MMP9: variants seen among roughly 807,000 people sequenced by gnomAD.
MMP9 encodes the protein matrix metalloproteinase-9.
MMP9 carries 73 observed loss-of-function variants against 76.4 expected under a neutral mutation model. That is an observed-to-expected ratio of 0.96 (90% CI 0.79 to 1.16). The LOEUF (loss-of-function observed/expected upper bound fraction) is 1.16, where lower values mean the gene tolerates loss of function less well. Ranked by LOEUF, MMP9 falls within the 50% of genes most tolerant of loss-of-function variation. MMP9 has a pLI of 0.00. For synonymous variants in MMP9, 412 were observed against 408.4 expected, an observed-to-expected ratio of 1.01 and a Z score of -0.11; for missense variants, 943 against 973.0, an observed-to-expected ratio of 0.97 and a Z score of 0.41.
At chr20:46,011,840 C>A in intron 6 of MMP9, 93 bp downstream of exon 6, 1 of 1,449,756 alleles carries the variant, frequency 6.9e-7, no homozygotes, top group Non-Finnish European at 9.4e-7. Context: ...GTTTGTCTTT[C>A]CACTCTCATT....
intron 10 of MMP9, 25 bp from the exon 11 acceptor site, chr20:46,014,099 C>T: frequency 6.5e-7 from 1 of 1,534,310 alleles, no homozygotes; most frequent in Non-Finnish European, 8.7e-7. Context: ...CGCCCCCAAA[C>T]CGACGTGACC....
In MMP9 at chr20:46,012,471, C is replaced by A; in HGVS notation, c.1219C>A (p.Leu407Met). ...GGCGGCGCATGAGTTCGGCCACGCG[C>A]TGGGCTTAGATCATTCCTCAGTGCC... ...LVAAHEFGHALGLDHSSVPEA... is the reference protein window; with the variant it reads ...LVAAHEFGHAMGLDHSSVPEA... The change falls in exon 8 of 13, where the codon CTG becomes ATG. Residue 407 changes from leucine to methionine, a missense_variant. Physicochemically the swap from Leu to Met is conservative, Grantham distance 15. Coordinates refer to ENST00000372330, the MANE Select transcript of MMP9 (RefSeq NM_004994.3). 1 of 1,614,192 alleles carries A rather than the reference C, an allele frequency of 6.2e-7. No homozygotes were observed. The highest frequency in any genetic ancestry group is 1.3e-5 in the African/African-American group (1 of 75,044).
In MMP9 at chr20:46,013,307, C is replaced by T; in HGVS notation, c.1383C>T (p.Pro461=). The T allele has an allele frequency of 1.2e-6, 2 of 1,614,048 alleles. No individual in the cohort carries two copies. Among genetic ancestry groups the T allele is most frequent in the Non-Finnish European group, 1.7e-6 (2 of 1,179,978 alleles). The part of the protein sequence containing the change: ...PRPPTTTTPQ[P]TAPPTVCPTG... ...CTCCAACCACCACCACACCGCAGCC[C>T]ACGGCTCCCCCGACGGTCTGCCCCA... Residue 461 remains proline (P), a synonymous_variant, in exon 9 of 13, where the codon CCC becomes CCT. Coordinates refer to ENST00000372330, the MANE Select transcript of MMP9 (RefSeq NM_004994.3). This position sits in a 1 kb window ranked among gnomAD's most constrained non-coding sequence, Gnocchi z 4.5.
Position 46,014,266 on chromosome 20 carries a change from C to T in MMP9, c.1893C>T (p.Arg631=), listed in dbSNP as rs1219125521. Residue 631 remains arginine (R), a synonymous_variant, in exon 11 of 13, where the codon CGC becomes CGT. Transcript: ENST00000372330. ...AGATGCTGCTGTTCAGCGGGCGGCGCCTCTGGAGGTGAGCGCCGCCGCGGC... is the reference window on the plus strand; with the variant it reads ...AGATGCTGCTGTTCAGCGGGCGGCGTCTCTGGAGGTGAGCGCCGCCGCGGC... The part of the protein sequence containing the change: ...RGKMLLFSGR[R]LWRFDVKAQM... 5 of 1,524,656 alleles carry T rather than the reference C, an allele frequency of 3.3e-6. No individual in the cohort carries two copies. In the Admixed American group the frequency reaches 8.3e-5, roughly 25 times the overall value. 94.4% of individuals were successfully genotyped at this position (1,524,656 alleles called of 1,614,324 possible). A position where few individuals can be genotyped will look rare whatever the true frequency, so the allele number is the denominator to read the frequency against.
Position 46,014,379 on chromosome 20 carries a change from T to C in MMP9, c.1910T>C (p.Val637Ala). The C allele has an allele frequency of 6.5e-7, 1 of 1,548,428 alleles. No individual in the cohort carries two copies. Among genetic ancestry groups the C allele is most frequent in the Non-Finnish European group, 8.7e-7 (1 of 1,146,934 alleles). ...TCCGCGCCTGCCCGCAGGTTCGACG[T>C]GAAGGCGCAGATGGTGGATCCCCGG... Reference protein sequence around the residue: ...FSGRRLWRFDVKAQMVDPRSA... With the variant: ...FSGRRLWRFDAKAQMVDPRSA... Residue 637 changes from valine (V) to alanine (A), a missense_variant, in exon 12 of 13, where the codon GTG (valine) becomes GCG (alanine). By Grantham distance (64) the Val-to-Ala change is moderately conservative. Coordinates refer to ENST00000372330, the MANE Select transcript of MMP9 (RefSeq NM_004994.3).
At chr20:46,009,155 T>A in intron 1 of MMP9, 91 bp downstream of exon 1, 3 of 1,400,622 alleles carry the variant, frequency 2.1e-6, no homozygotes, top group Non-Finnish European at 3.0e-6. Flanking sequence ...AGGAGATGCT[T>A]TAGGGGTGTG....
At position 46,011,028 on chromosome 20, in the gene MMP9, G is replaced by A; in HGVS notation, c.627G>A (p.Leu209=). Residue 209 remains leucine (L), a synonymous_variant, in exon 4 of 13, where the codon TTG becomes TTA. Transcript: ENST00000372330. ...QGDAHFDDDE[L]WSLGKGVVVP... is the part of the protein sequence containing the mutation. Reference sequence around the variant, plus strand: ...ACGCCCATTTCGACGATGACGAGTTGTGGTCCCTGGGCAAGGGCGTCGGTG... The same window carrying A: ...ACGCCCATTTCGACGATGACGAGTTATGGTCCCTGGGCAAGGGCGTCGGTG... The A allele has an allele frequency of 6.2e-7, 1 of 1,610,380 alleles. No individual in the cohort carries two copies. Among genetic ancestry groups the A allele is most frequent in the Non-Finnish European group, 8.5e-7 (1 of 1,177,670 alleles).
Position 46,014,219 on chromosome 20 carries a change from G to A in MMP9, c.1846G>A (p.Ala616Thr), listed in dbSNP as rs1487439307. 6.5e-7 allele frequency: 1 copy of A among 1,536,118 alleles called. No homozygotes were observed. The highest frequency in any genetic ancestry group is 8.7e-7 in the Non-Finnish European group (1 of 1,143,134). The change falls in exon 11 of 13, where the codon GCC becomes ACC. Residue 616 changes from alanine (A) to threonine (T), a missense_variant. Transcript: ENST00000372330. The stretch of plus-strand genomic sequence containing the variant: ...AGCCGACGTGGCCCAGGTGACCGGG[G>A]CCCTCCGGAGTGGCAGGGGGAAGAT... The part of the protein sequence containing the change: ...LGADVAQVTG[A>T]LRSGRGKMLL...
In MMP9 at chr20:46,011,666, G is replaced by T. The variant is rs201344509; in HGVS notation, c.916G>T (p.Gly306Cys). The T allele has an allele frequency of 1.2e-6, 2 of 1,613,960 alleles. No homozygotes were observed. The highest frequency in any genetic ancestry group is 1.7e-6 in the Non-Finnish European group (2 of 1,180,044). ...GQSYSACTTD[G>C]RSDGYRWCAT... ...ATCCTACTCCGCCTGCACCACGGAC[G>T]GTCGCTCCGACGGCTACCGCTGGTG... The change falls in exon 6 of 13, where the codon GGT (glycine) becomes TGT (cysteine). Residue 306 changes from glycine (G) to cysteine (C), a missense_variant. Transcript: ENST00000372330.
chr20:46,010,821 G>C lies in MMP9; in HGVS notation c.521-101G>C, dbSNP rs1568846930. Reference sequence around the variant, plus strand: ...AGGCTGGGAGAGCTTCGCGCAGGCGGGATTTCAGCCCGCACTTATTTCGGA... The same window carrying C: ...AGGCTGGGAGAGCTTCGCGCAGGCGCGATTTCAGCCCGCACTTATTTCGGA... On this transcript the variant is annotated intron_variant, in intron 3 of 12. Coordinates refer to ENST00000372330, the MANE Select transcript of MMP9 (RefSeq NM_004994.3). The C allele has an allele frequency of 1.1e-5, 17 of 1,602,324 alleles. No homozygotes were observed. In the East Asian group the frequency reaches 2.0e-4, roughly 19 times the overall value.
rs2084272548 is a variant in MMP9 at position 46,010,616 on chromosome 20, C to A, written c.505C>A (p.Gln169Lys). The stretch of plus-strand genomic sequence containing the variant: ...CAGCCGGGACGCAGACATCGTCATC[C>A]AGTTTGGTGTCGCGGGTGAGAACGT... ...VYSRDADIVI[Q>K]FGVAEHGDGY... The change falls in exon 3 of 13, where the codon CAG (glutamine) becomes AAG (lysine). Residue 169 changes from glutamine (Q) to lysine (K), a missense_variant. Transcript: ENST00000372330. 1 of 1,613,628 alleles carries A rather than the reference C, an allele frequency of 6.2e-7. No homozygotes were observed. Among genetic ancestry groups the A allele is most frequent in the Non-Finnish European group, 8.5e-7 (1 of 1,179,796 alleles).
rs1177025377 is a variant in MMP9, at chr20:46,010,919, C to T, written c.521-3C>T. On this transcript the variant is annotated splice_region_variant and splice_polypyrimidine_tract_variant and intron_variant, in intron 3 of 12. Coordinates refer to ENST00000372330, the MANE Select transcript of MMP9 (RefSeq NM_004994.3). ...CCCTCTTCCTCTCGACCTGTTTCTTCAGAGCACGGAGACGGGTATCCCTTC... is the reference window on the plus strand; with the variant it reads ...CCCTCTTCCTCTCGACCTGTTTCTTTAGAGCACGGAGACGGGTATCCCTTC... The T allele has an allele frequency of 6.2e-7, 1 of 1,614,132 alleles. No individual in the cohort carries two copies. Among genetic ancestry groups the T allele is most frequent in the Non-Finnish European group, 8.5e-7 (1 of 1,180,054 alleles).
chr20:46,013,166 G>C lies in MMP9; in HGVS notation c.1331-89G>C, dbSNP rs545557657. On this transcript the variant is annotated intron_variant, in intron 8 of 12. Transcript: ENST00000372330. This position sits in a 1 kb window ranked among gnomAD's most constrained non-coding sequence, Gnocchi z 4.5. Reference sequence around the variant, plus strand: ...AGGAGGGGCCTGTGTGCCAGAGGAGGCTTCACTGAGAAGCTTAGGGGAGCA... The same window carrying C: ...AGGAGGGGCCTGTGTGCCAGAGGAGCCTTCACTGAGAAGCTTAGGGGAGCA... 9.7e-5 allele frequency: 144 copies of C among 1,491,476 alleles called. 1 individual carries two copies. The East Asian group carries it at 2.3e-3, about 23-fold the overall frequency. The allele number at this position is 1,491,476 out of a possible 1,614,324, so 92.4% of individuals were successfully genotyped here.
chr20:46,012,174 G>A lies in MMP9; in HGVS notation c.1035G>A (p.Glu345=), dbSNP rs777085112. The A allele has an allele frequency of 6.2e-7, 1 of 1,614,112 alleles. No homozygotes were observed. The highest frequency in any genetic ancestry group is 2.2e-5 in the East Asian group (1 of 44,884). The change falls in exon 7 of 13, where the codon GAG becomes GAA. Residue 345 remains glutamate, a synonymous_variant. Coordinates refer to ENST00000372330, the MANE Select transcript of MMP9 (RefSeq NM_004994.3). ...TGATGGGGGGCAACTCGGCGGGGGAGCTGTGCGTCTTCCCCTTCACTTTCC... is the reference window on the plus strand; with the variant it reads ...TGATGGGGGGCAACTCGGCGGGGGAACTGTGCGTCTTCCCCTTCACTTTCC... ...STVMGGNSAG[E]LCVFPFTFLG...
Position 46,013,900 on chromosome 20 carries a change from A to C in MMP9, c.1750+104A>C. ...GAAACGTCTTGTGCGTTTTAGAAAA[A>C]TACGCCCCCTGGCGGACGCAGTTTA... On this transcript the variant is annotated intron_variant, in intron 10 of 12. Transcript: ENST00000372330. This position sits in a 1 kb window ranked among gnomAD's most constrained non-coding sequence, Gnocchi z 4.5. 6.6e-7 allele frequency: 1 copy of C among 1,525,714 alleles called. No homozygotes were observed. Among genetic ancestry groups the C allele is most frequent in the Non-Finnish European group, 8.9e-7 (1 of 1,121,806 alleles). The allele number at this position is 1,525,714 out of a possible 1,614,324, so 94.5% of individuals were successfully genotyped here. A position where few individuals can be genotyped will look rare whatever the true frequency, so the allele number is the denominator to read the frequency against.
At position 46,013,859 on chromosome 20, in the gene MMP9, AC is replaced by A; in HGVS notation, c.1750+65del. 1 of 1,600,052 alleles carries A rather than the reference AC, an allele frequency of 6.2e-7. No individual in the cohort carries two copies. Among genetic ancestry groups the A allele is most frequent in the Non-Finnish European group, 8.5e-7 (1 of 1,172,226 alleles). ...CCCATCAGTCAAGGAGGCTCAAGAG[AC>A]CATCGATAACCCACGAAACGTCTTG... On this transcript the variant is annotated intron_variant, in intron 10 of 12. Transcript: ENST00000372330. The surrounding 1 kb of genome is among the most constrained non-coding windows in gnomAD (Gnocchi z 4.5).
In MMP9 at chr20:46,013,020, G is replaced by C. The variant is rs2084293816; in HGVS notation, c.1331-235G>C. ...GTGGGAGGATCTCTTGAGCCCAGGAGTTCGAGGCTGTAGTGAGCTATGATT... is the reference window on the plus strand; with the variant it reads ...GTGGGAGGATCTCTTGAGCCCAGGACTTCGAGGCTGTAGTGAGCTATGATT... On this transcript the variant is annotated intron_variant, in intron 8 of 12. Transcript: ENST00000372330. This position sits in a 1 kb window ranked among gnomAD's most constrained non-coding sequence, Gnocchi z 4.5. 6.6e-6 allele frequency among the ~76,000 whole-genome samples: 1 copy of C among 152,200 alleles called. No individual in the cohort carries two copies. Among genetic ancestry groups the C allele is most frequent in the Admixed American group, 6.5e-5 (1 of 15,292 alleles).
chr20:46,014,013 G>C, intron 10 of MMP9, 111 bp from the exon 11 acceptor site: 1 of 1,494,174 alleles, frequency 6.7e-7, no homozygotes, highest in Non-Finnish European at 9.0e-7. Flanking sequence ...GGGTTGCAGG[G>C]ACTGCGGGCA....
chr20:46,010,989 C>CG lies in MMP9; in HGVS notation c.590dup (p.Ile198HisfsTer10). 6.2e-7 allele frequency: 1 copy of CG among 1,614,194 alleles called. No individual in the cohort carries two copies. ...TGGCACACGCCTTTCCTCCTGGCCC[C>CG]GGCATTCAGGGAGACGCCCATTTCG... On this transcript the variant is annotated frameshift_variant, in exon 4 of 13. Coordinates refer to ENST00000372330, the MANE Select transcript of MMP9 (RefSeq NM_004994.3). LOFTEE classifies it high-confidence loss of function.
Sources: allele counts gnomAD v4.1 joint callset (sites outside exome capture counted in the v4.1 genomes callset), GRCh38; gene constraint gnomAD v4.1.1; non-coding constraint Gnocchi (gnomAD v3.1); transcripts MANE v1.5; gene names NCBI Gene and HGNC (gene_info 2026-07-23, HGNC 2026-07-21).